FAM193A: variants seen among roughly 807,000 people sequenced by gnomAD.
FAM193A encodes family with sequence similarity 193 member A, also known as protein FAM193A.
In FAM193A, 22 loss-of-function variants were observed where a neutral mutation model predicts 126.5. That is an observed-to-expected ratio of 0.17 (90% CI 0.12 to 0.25). The LOEUF (loss-of-function observed/expected upper bound fraction) is 0.25. Among genes scored for constraint, FAM193A ranks in the 10% least tolerant of loss-of-function variants. The probability of loss-of-function intolerance (pLI) is 1.00; values close to 1 mark genes in which losing one functional copy is unlikely to be tolerated. For synonymous variants in FAM193A, 761 were observed against 646.8 expected (o/e 1.18, Z -2.68); for missense variants, 1,675 against 1,672.8 (o/e 1.00, Z -0.02).
chr4:2,706,378 C>T (rs1718314851), intron 19 of FAM193A, among the ~76,000 whole-genome samples: 2 of 144,120 alleles, frequency 1.4e-5, no homozygotes, highest in Admixed American at 1.5e-4. Flanking sequence ...CTCACTGCAA[C>T]CCCTGCCTCC....
chr4:2,700,436 G>C lies in FAM193A; in HGVS notation c.4264G>C (p.Gly1422Arg), dbSNP rs368509900. The C allele has an allele frequency of 1.7e-5, 27 of 1,614,026 alleles. No homozygotes were observed. Among genetic ancestry groups the C allele is most frequent in the Non-Finnish European group, 2.1e-5 (25 of 1,180,038 alleles). Residue 1422 changes from glycine (G) to arginine (R), a missense_variant, in exon 19 of 21, where the codon GGT (glycine) becomes CGT (arginine). By Grantham distance (125) the Gly-to-Arg change is moderately radical. This residue lies in a region of FAM193A where 415 missense variants were observed against 396.7 expected (regional missense o/e 1.05). Coordinates refer to ENST00000637812, the MANE Select transcript of FAM193A (RefSeq NM_001366318.2). ...NPTPMEPTSPGEHQQNSKLVL... is the reference protein window; with the variant it reads ...NPTPMEPTSPREHQQNSKLVL... ...AACCCCTATGGAGCCCACCTCTCCCGGTGAGCATCAGCAGAACAGCAAGCT... is the reference window on the plus strand; with the variant it reads ...AACCCCTATGGAGCCCACCTCTCCCCGTGAGCATCAGCAGAACAGCAAGCT...
chr4:2,581,944 C>G (rs912055462), intron 1 of FAM193A, among the ~76,000 whole-genome samples: 1 of 152,214 alleles, frequency 6.6e-6, no homozygotes, highest in South Asian at 2.1e-4. Flanking sequence ...TGAGCCACCG[C>G]ACCTGGCTCT....
At chr4:2,704,082 A>G (rs1399098213) in intron 19 of FAM193A, among the ~76,000 whole-genome samples, 2 of 151,462 alleles carry the variant, frequency 1.3e-5, no homozygotes, top group Admixed American at 6.6e-5. Context: ...GCTGGCCAAC[A>G]TGAAACCCCG....
rs1742194418 is a variant in FAM193A at position 2,616,480 on chromosome 4, G to C, written c.502-8782G>C. Among the ~76,000 whole-genome samples the C allele has an allele frequency of 2.0e-5, 3 of 151,970 alleles. No homozygotes were observed. The South Asian group carries it at 6.2e-4, about 32-fold the overall frequency. Reference sequence around the variant, plus strand: ...TTCCATTTAATGTAATTAGTGATCTGTTTGGGTTTAAACATACCATCTTGC... The same window carrying C: ...TTCCATTTAATGTAATTAGTGATCTCTTTGGGTTTAAACATACCATCTTGC... On this transcript the variant is annotated intron_variant, in intron 2 of 20. Transcript: ENST00000637812.
At chr4:2,684,884 CA>C (rs759795749) in intron 13 of FAM193A, among the ~76,000 whole-genome samples, 4 of 152,278 alleles carry the variant, frequency 2.6e-5, no homozygotes, top group Admixed American at 6.5e-5. Context: ...AGGCCCAGAC[CA>C]GGGGGGAAGA....
intron 2 of FAM193A, among the ~76,000 whole-genome samples, chr4:2,617,770 T>G (rs1404046291): frequency 6.6e-6 from 1 of 152,184 alleles, no homozygotes; most frequent in African/African-American, 2.4e-5. Context: ...AGTCGTGTGT[T>G]TTTCTTACAT....
intron 20 of FAM193A, among the ~76,000 whole-genome samples, chr4:2,730,954 T>A (rs1276722933): frequency 1.3e-5 from 2 of 152,090 alleles, no homozygotes; most frequent in Non-Finnish European, 2.9e-5. Context: ...CCCAGCACTT[T>A]GGGAGGCCGA....
chr4:2,624,406 A>C (rs1488185976), intron 2 of FAM193A, among the ~76,000 whole-genome samples: 3 of 152,164 alleles, frequency 2.0e-5, no homozygotes, highest in African/African-American at 7.2e-5. Flanking sequence ...GGCCTCCCAA[A>C]GTGCTGGGAT....
intron 6 of FAM193A, among the ~76,000 whole-genome samples, chr4:2,642,399 C>A (rs1744726758): frequency 6.6e-6 from 1 of 152,168 alleles, no homozygotes; most frequent in Non-Finnish European, 1.5e-5. Flanking sequence ...TGTGCCCTGG[C>A]CTGCTCCTTA....
At chr4:2,590,118 G>C (rs1438655981) in intron 1 of FAM193A, among the ~76,000 whole-genome samples, 1 of 141,646 alleles carries the variant, frequency 7.1e-6, no homozygotes, top group African/African-American at 2.7e-5. Flanking sequence ...CTGGGCAACA[G>C]AGCGAGACTC....
At chr4:2,583,149 G>T (rs981079181) in intron 1 of FAM193A, among the ~76,000 whole-genome samples, 3 of 152,206 alleles carry the variant, frequency 2.0e-5, no homozygotes, top group Non-Finnish European at 2.9e-5. Context: ...TTTCAGTAGA[G>T]ACAGAACCCT....
rs189616805 is a variant in FAM193A, at chr4:2,652,203, G to A, written c.1311+5371G>A. Among the ~76,000 whole-genome samples the A allele has an allele frequency of 2.2e-3, 340 of 152,310 alleles. 2 individuals are homozygous for A. The highest frequency in any genetic ancestry group is 4.1e-3 in the Non-Finnish European group (281 of 68,018). On this transcript the variant is annotated intron_variant, in intron 7 of 20. Transcript: ENST00000637812. ...ATCAGCCTTGCCTGTCAACAAAGAT[G>A]ACTTGGGTGTGTCGGTGCTTCCTGT... is the stretch of plus-strand genomic sequence containing the variant.
In FAM193A at chr4:2,626,655, G is replaced by T. The variant is rs915134359; in HGVS notation, c.803+78G>T. On this transcript the variant is annotated intron_variant, in intron 4 of 20. Coordinates refer to ENST00000637812, the MANE Select transcript of FAM193A (RefSeq NM_001366318.2). ...CTGCACTTGGAGCCACTCCTTTCAG[G>T]ATGGGCTTTCCTTACAGTGCTCAGC... 4.6e-5 allele frequency: 30 copies of T among 647,832 alleles called. No individual in the cohort carries two copies. The Admixed American group carries it at 5.2e-4, about 11-fold the overall frequency. The allele number at this position is 647,832 out of a possible 1,614,324, so 40.1% of individuals were successfully genotyped here.
Position 2,629,846 on chromosome 4 carries a change from T to C in FAM193A, c.804-1089T>C, listed in dbSNP as rs535804566. ...GTAGAATACGTTTTAAAATGTGCAT[T>C]ATCGGCCGGGTGCGGTGGCTCACGC... On this transcript the variant is annotated intron_variant, in intron 4 of 20. Coordinates refer to ENST00000637812, the MANE Select transcript of FAM193A (RefSeq NM_001366318.2). Among the ~76,000 whole-genome samples, 146 of 152,252 alleles carry C rather than the reference T, an allele frequency of 9.6e-4. 1 individual carries two copies. The highest frequency in any genetic ancestry group is 2.7e-3 in the Admixed American group (41 of 15,280).
chr4:2,550,348 G>T (rs556504411), intron 1 of FAM193A, among the ~76,000 whole-genome samples: 1 of 148,618 alleles, frequency 6.7e-6, no homozygotes, highest in African/African-American at 2.5e-5. Flanking sequence ...ACCCAGCCTA[G>T]ACTGTTTAAG....
At chr4:2,619,315 T>C (rs561958611) in intron 2 of FAM193A, among the ~76,000 whole-genome samples, 1 of 152,228 alleles carries the variant, frequency 6.6e-6, no homozygotes, top group South Asian at 2.1e-4. Context: ...CTTTTTTATT[T>C]TTTTGAGACG....
In FAM193A at chr4:2,672,163, C is replaced by G. The variant is rs1713875837; in HGVS notation, c.2122C>G (p.Gln708Glu). The change falls in exon 13 of 21, where the codon CAG becomes GAG. Residue 708 changes from glutamine to glutamate, a missense_variant. Gln to Glu is a conservative substitution (Grantham distance 29, BLOSUM62 2). Transcript: ENST00000637812. The stretch of plus-strand genomic sequence containing the variant: ...CACTTGTGAATGTCATGTTTGTAAG[C>G]AGGAAGCTTCTGGACTGACACCATC... Reference protein sequence around the residue: ...PNTCECHVCKQEASGLTPSAM... With the variant: ...PNTCECHVCKEEASGLTPSAM... 2 of 1,614,174 alleles carry G rather than the reference C, an allele frequency of 1.2e-6. No homozygotes were observed. The highest frequency in any genetic ancestry group is 8.5e-7 in the Non-Finnish European group (1 of 1,180,010).
chr4:2,606,739 A>T (rs1055447621), intron 2 of FAM193A, among the ~76,000 whole-genome samples: 3 of 152,192 alleles, frequency 2.0e-5, no homozygotes, highest in Admixed American at 6.5e-5. Flanking sequence ...CATTATTTTT[A>T]AAAAATCATA....
At chr4:2,651,870 C>T (rs1745703658) in intron 7 of FAM193A, among the ~76,000 whole-genome samples, 1 of 152,168 alleles carries the variant, frequency 6.6e-6, no homozygotes, top group Non-Finnish European at 1.5e-5. Context: ...CAGCTCGTCC[C>T]AGACAGCCCC....
Sources: allele counts gnomAD v4.1 joint callset (sites outside exome capture counted in the v4.1 genomes callset), GRCh38; gene constraint gnomAD v4.1.1; regional missense constraint gnomAD v4.1.1; transcripts MANE v1.5; gene names NCBI Gene and HGNC (gene_info 2026-07-23, HGNC 2026-07-21).